Variants in ARMH3 observed in about 807,000 individuals in gnomAD.
ARMH3 encodes armadillo like helical domain containing 3, also known as armadillo-like helical domain-containing protein 3.
Under a neutral mutation model 99.1 loss-of-function variants are expected in ARMH3, and 60 were observed. That is an observed-to-expected ratio of 0.61 (90% CI 0.49 to 0.75). The LOEUF is 0.75. ARMH3 is among the 30% of genes least tolerant of loss of function. The pLI, the probability that ARMH3 is intolerant of heterozygous loss-of-function variation, is 0.00. For missense variants in ARMH3, 679 were observed against 843.1 expected (o/e 0.81, Z 2.41); for synonymous variants, 285 against 292.8 (o/e 0.97, Z 0.27).
chr10:102,003,599 G>A (rs1044709774), intron 14 of ARMH3, among the ~76,000 whole-genome samples: 1 of 152,202 alleles, frequency 6.6e-6, no homozygotes, highest in Non-Finnish European at 1.5e-5. Flanking sequence ...AAAAAAGCTA[G>A]AGAATCTATG....
chr10:101,903,444 A>G (rs2068026510), intron 23 of ARMH3, among the ~76,000 whole-genome samples: 1 of 152,236 alleles, frequency 6.6e-6, no homozygotes, highest in South Asian at 2.1e-4. Flanking sequence ...TGATGTGGTA[A>G]AGGCTAAGGC....
intron 24 of ARMH3, among the ~76,000 whole-genome samples, chr10:101,851,942 T>A (rs561661498): frequency 1.1e-4 from 17 of 152,316 alleles, no homozygotes; most frequent in African/African-American, 4.1e-4. Context: ...GGTCCTCTCA[T>A]GCACGTGGGC....
intron 23 of ARMH3, 40 bp downstream of exon 23, chr10:101,939,823 G>A: frequency 6.4e-7 from 1 of 1,550,438 alleles, no homozygotes; most frequent in South Asian, 1.1e-5. Context: ...ACCTCAGGAA[G>A]AGCCAAGGAA....
intron 23 of ARMH3, among the ~76,000 whole-genome samples, chr10:101,930,155 T>G (rs965712557): frequency 1.3e-5 from 2 of 152,084 alleles, no homozygotes; most frequent in Non-Finnish European, 2.9e-5. Context: ...AATGCAAGGT[T>G]TAACATCTGA....
At chr10:102,014,299 T>C (rs538922174) in intron 8 of ARMH3, among the ~76,000 whole-genome samples, 46 of 152,320 alleles carry the variant, frequency 3.0e-4, no homozygotes, top group African/African-American at 1.1e-3. Flanking sequence ...CTTATGTCCA[T>C]CACTTCTACG....
rs2066487841 is a variant in ARMH3 at position 101,847,475 on chromosome 10, C to G, written c.*53G>C. 18 of 1,568,680 alleles carry G rather than the reference C, an allele frequency of 1.1e-5. No homozygotes were observed. Among genetic ancestry groups the G allele is most frequent in the Non-Finnish European group, 1.4e-5 (16 of 1,139,118 alleles). Reference sequence around the variant, plus strand: ...CCCTCTCCCCTCGCTCCCCCTCCAGCCCATGATCCTCATGGGTAAGGGCAG... The same window carrying G: ...CCCTCTCCCCTCGCTCCCCCTCCAGGCCATGATCCTCATGGGTAAGGGCAG... On this transcript the variant is annotated 3_prime_UTR_variant, in exon 26 of 26. Coordinates refer to ENST00000370033, the MANE Select transcript of ARMH3 (RefSeq NM_024541.3).
At chr10:101,980,231 C>T (rs1455817435) in intron 19 of ARMH3, among the ~76,000 whole-genome samples, 2 of 152,162 alleles carry the variant, frequency 1.3e-5, no homozygotes, top group Non-Finnish European at 2.9e-5. Flanking sequence ...TCCTAGAAAA[C>T]TGAACCTAGG....
intron 2 of ARMH3, among the ~76,000 whole-genome samples, chr10:102,038,321 C>T (rs1297142029): frequency 2.0e-5 from 3 of 151,964 alleles, no homozygotes; most frequent in Non-Finnish European, 4.4e-5. Flanking sequence ...GTCTCGATCT[C>T]CTGACCTCGT....
At chr10:102,045,646 G>T (rs984317284) in intron 1 of ARMH3, among the ~76,000 whole-genome samples, 1 of 152,100 alleles carries the variant, frequency 6.6e-6, no homozygotes, top group African/African-American at 2.4e-5. Context: ...TGGGTCTTTT[G>T]TGTTTGTGAA....
intron 20 of ARMH3, among the ~76,000 whole-genome samples, chr10:101,973,914 T>C (rs1813723734): frequency 6.6e-6 from 1 of 152,218 alleles, no homozygotes; most frequent in South Asian, 2.1e-4. Flanking sequence ...TGTTTTCTCT[T>C]TAATCCTATG....
intron 15 of ARMH3, among the ~76,000 whole-genome samples, chr10:102,000,043 T>A (rs1033973251): frequency 9.2e-5 from 14 of 151,968 alleles, no homozygotes; most frequent in Admixed American, 5.2e-4. Flanking sequence ...TGGTTGCAAT[T>A]GCACTCTAGC....
chr10:101,885,715 C>G (rs1322239459), intron 24 of ARMH3, among the ~76,000 whole-genome samples: 1 of 152,076 alleles, frequency 6.6e-6, no homozygotes, highest in South Asian at 2.1e-4. Flanking sequence ...GATGGTTGCA[C>G]AACAATGTGA....
At chr10:101,850,414 C>T (rs1455076700) in intron 24 of ARMH3, among the ~76,000 whole-genome samples, 1 of 148,850 alleles carries the variant, frequency 6.7e-6, no homozygotes, top group African/African-American at 2.5e-5. Context: ...TCTAATCTCT[C>T]TCTCTCTCTT....
intron 22 of ARMH3, among the ~76,000 whole-genome samples, chr10:101,942,258 ATGAAT>A (rs958691872): frequency 2.6e-5 from 4 of 152,226 alleles, no homozygotes; most frequent in Non-Finnish European, 5.9e-5. Context: ...TACAAAAAAA[ATGAAT>A]TGTATGTTAA....
intron 24 of ARMH3, among the ~76,000 whole-genome samples, chr10:101,885,058 A>T (rs925415278): frequency 6.6e-6 from 1 of 152,218 alleles, no homozygotes; most frequent in African/African-American, 2.4e-5. Flanking sequence ...GTACATGAAG[A>T]GATGCTCAAT....
chr10:101,919,695 T>C (rs185426342), intron 23 of ARMH3, among the ~76,000 whole-genome samples: 1 of 152,072 alleles, frequency 6.6e-6, no homozygotes, highest in Admixed American at 6.6e-5. Flanking sequence ...ACCGGGAGAG[T>C]TGTGCTTTTC....
intron 23 of ARMH3, among the ~76,000 whole-genome samples, chr10:101,924,473 T>G (rs1270699350): frequency 6.6e-6 from 1 of 150,836 alleles, no homozygotes; most frequent in Non-Finnish European, 1.5e-5. Flanking sequence ...GCCATTCTCC[T>G]GCCTCAGCCT....
chr10:101,901,884 T>C (rs1044096921), intron 23 of ARMH3, among the ~76,000 whole-genome samples: 1 of 152,224 alleles, frequency 6.6e-6, no homozygotes, highest in Non-Finnish European at 1.5e-5. Flanking sequence ...ATAGTCTCTC[T>C]GAAAAGGGAA....
intron 23 of ARMH3, among the ~76,000 whole-genome samples, chr10:101,936,766 C>A (rs997955740): frequency 3.3e-5 from 5 of 152,090 alleles, no homozygotes; most frequent in African/African-American, 9.7e-5. Context: ...AAGTGTCCAT[C>A]AACGGATGAA....
Sources: allele counts gnomAD v4.1 joint callset (sites outside exome capture counted in the v4.1 genomes callset), GRCh38; gene constraint gnomAD v4.1.1; transcripts MANE v1.5; gene names NCBI Gene and HGNC (gene_info 2026-07-23, HGNC 2026-07-21).